The following SPRED1 variants were observed in gnomAD, a reference collection of about 807,000 sequenced individuals.
SPRED1 encodes the protein sprouty-related, EVH1 domain-containing protein 1.
A neutral mutation model predicts 52.3 loss-of-function variants in SPRED1; 18 were observed. The ratio of observed to expected loss-of-function variants is 0.34; its 90% CI spans 0.24 to 0.51. The LOEUF (loss-of-function observed/expected upper bound fraction) is 0.51, where lower values mean the gene tolerates loss of function less well. Among genes scored for constraint, SPRED1 ranks in the 20% least tolerant of loss-of-function variants. SPRED1 has a pLI of 0.97. For missense variants in SPRED1, 485 were observed against 551.0 expected, an observed-to-expected ratio of 0.88 and a Z score of 1.20; for synonymous variants, 155 against 179.7, an observed-to-expected ratio of 0.86 and a Z score of 1.10.
chr15:38,308,913 A>G (rs1486873785), intron 2 of SPRED1, among the ~76,000 whole-genome samples: 5 of 152,086 alleles, frequency 3.3e-5, no homozygotes, highest in Non-Finnish European at 7.4e-5. Context: ...TTTTTTCTAG[A>G]GTGGGTTTAT....
In SPRED1 at chr15:38,355,238, G is replaced by A. The variant is rs954011914; in HGVS notation, c.*3574G>A. The A allele has an allele frequency of 6.6e-6, 1 of 152,348 alleles. No individual in the cohort carries two copies. The highest frequency in any genetic ancestry group is 1.5e-5 in the Non-Finnish European group (1 of 68,176). 9.4% of individuals were successfully genotyped at this position (152,348 alleles called of 1,614,324 possible). On this transcript the variant is annotated 3_prime_UTR_variant, in exon 7 of 7. Transcript: ENST00000299084. ...CCCAAAGTGCTGGGATTACAGGCAT[G>A]AGCTACTGCGCCCAGCCGTGTGTAT...
rs1038488572 is a variant in SPRED1, at chr15:38,352,442, A to T, written c.*778A>T. On this transcript the variant is annotated 3_prime_UTR_variant, in exon 7 of 7. Coordinates refer to ENST00000299084, the MANE Select transcript of SPRED1 (RefSeq NM_152594.3). Reference sequence around the variant, plus strand: ...ATACTCTAATAGCCTTGAGTGACCAACTTTTTTTTTAAAGCACAGATGTAA... The same window carrying T: ...ATACTCTAATAGCCTTGAGTGACCATCTTTTTTTTTAAAGCACAGATGTAA... 1 of 152,368 alleles carries T rather than the reference A, an allele frequency of 6.6e-6. No individual in the cohort carries two copies. The allele number at this position is 152,368 out of a possible 1,614,324, so 9.4% of individuals were successfully genotyped here. A position where few individuals can be genotyped will look rare whatever the true frequency, so the allele number is the denominator to read the frequency against.
intron 1 of SPRED1, among the ~76,000 whole-genome samples, chr15:38,266,451 G>A (rs1204413377): frequency 6.6e-6 from 1 of 151,986 alleles, no homozygotes; most frequent in Non-Finnish European, 1.5e-5. Context: ...ACCAGCCTGG[G>A]CAACATGGCA....
chr15:38,317,301 C>G (rs1280210146), intron 2 of SPRED1, among the ~76,000 whole-genome samples: 1 of 151,790 alleles, frequency 6.6e-6, no homozygotes, highest in Admixed American at 6.6e-5. Flanking sequence ...TATTTATTTC[C>G]TTTTGCACCA....
intron 1 of SPRED1, among the ~76,000 whole-genome samples, chr15:38,280,106 G>A (rs1259267827): frequency 6.6e-6 from 1 of 152,032 alleles, no homozygotes; most frequent in Non-Finnish European, 1.5e-5. Flanking sequence ...TTTTGCCCCT[G>A]GTAACCCCAG....
At chr15:38,284,430 A>G (rs1172461987) in intron 1 of SPRED1, among the ~76,000 whole-genome samples, 3 of 152,152 alleles carry the variant, frequency 2.0e-5, no homozygotes, top group Non-Finnish European at 4.4e-5. Flanking sequence ...ATGTAATTTT[A>G]TATTATGATA....
At chr15:38,265,995 G>C (rs1225257759) in intron 1 of SPRED1, among the ~76,000 whole-genome samples, 1 of 152,180 alleles carries the variant, frequency 6.6e-6, no homozygotes, top group Non-Finnish European at 1.5e-5. Context: ...TCTGTTAACT[G>C]TAATTTGGAC....
chr15:38,282,881 G>A (rs1021024216), intron 1 of SPRED1, among the ~76,000 whole-genome samples: 1 of 151,264 alleles, frequency 6.6e-6, no homozygotes, highest in Non-Finnish European at 1.5e-5. Flanking sequence ...TTTAAACCAC[G>A]GTTTTCTTGC....
intron 1 of SPRED1, among the ~76,000 whole-genome samples, chr15:38,292,294 C>T (rs562087218): frequency 5.1e-4 from 78 of 152,226 alleles, no homozygotes; most frequent in African/African-American, 1.3e-3. Context: ...AAGCCATTCT[C>T]CCACATTTTC....
chr15:38,341,057 GACTATTC>G (rs552574423), intron 5 of SPRED1, among the ~76,000 whole-genome samples: 109 of 144,982 alleles, frequency 7.5e-4, no homozygotes, highest in Admixed American at 3.6e-3. Context: ...ACAGACACAG[GACTATTC>G]ACCTTTCCTA....
intron 2 of SPRED1, among the ~76,000 whole-genome samples, chr15:38,301,295 T>C (rs1044373038): frequency 3.9e-5 from 6 of 152,170 alleles, no homozygotes; most frequent in African/African-American, 1.4e-4. Flanking sequence ...TTATTCCCTA[T>C]GACAGCTTAA....
At chr15:38,336,521 A>T (rs77375819) in intron 4 of SPRED1, among the ~76,000 whole-genome samples, 7,355 of 149,450 alleles carry the variant, frequency 0.049, 317 homozygotes, top group African/African-American at 0.11. Flanking sequence ...TCTGGAACAA[A>T]TACATTTCCT....
At chr15:38,293,419 G>C (rs114985739) in intron 1 of SPRED1, among the ~76,000 whole-genome samples, 79 of 152,128 alleles carry the variant, frequency 5.2e-4, no homozygotes, top group African/African-American at 1.8e-3. Context: ...ACTTTTAAGA[G>C]GTGACACTGC....
At chr15:38,338,038 T>TAAAC (rs1895954845) in intron 4 of SPRED1, among the ~76,000 whole-genome samples, 1 of 88,912 alleles carries the variant, frequency 1.1e-5, no homozygotes, top group Non-Finnish European at 2.2e-5. Context: ...CCATTGCTAC[T>TAAAC]AAAAAAAAAA....
intron 2 of SPRED1, among the ~76,000 whole-genome samples, chr15:38,313,006 T>C (rs573622101): frequency 9.2e-5 from 14 of 152,070 alleles, no homozygotes; most frequent in Admixed American, 6.6e-4. Context: ...TATCATTTTC[T>C]CCCTCTCCCA....
intron 5 of SPRED1, among the ~76,000 whole-genome samples, chr15:38,340,572 G>A (rs1031067557): frequency 6.6e-5 from 10 of 151,072 alleles, no homozygotes; most frequent in Admixed American, 1.3e-4. Context: ...TCGCTCTGTC[G>A]CCCAGGCTGG....
At chr15:38,327,417 G>A (rs999935223) in intron 4 of SPRED1, among the ~76,000 whole-genome samples, 31 of 151,986 alleles carry the variant, frequency 2.0e-4, no homozygotes, top group African/African-American at 6.8e-4. Context: ...TCTACCACAC[G>A]GAATGTGTTG....
intron 5 of SPRED1, among the ~76,000 whole-genome samples, chr15:38,341,578 A>G (rs749202502): frequency 2.0e-5 from 3 of 151,966 alleles, no homozygotes; most frequent in Non-Finnish European, 4.4e-5. Flanking sequence ...ACCGTATGCT[A>G]CTCTGCTTCC....
At chr15:38,323,150 G>C (rs1333152606) in intron 3 of SPRED1, among the ~76,000 whole-genome samples, 2 of 151,946 alleles carry the variant, frequency 1.3e-5, no homozygotes, top group East Asian at 3.9e-4. Flanking sequence ...GTTGTGATTT[G>C]TGTTATTTTG....
Sources: allele counts gnomAD v4.1 joint callset (sites outside exome capture counted in the v4.1 genomes callset), GRCh38; gene constraint gnomAD v4.1.1; transcripts MANE v1.5; gene names NCBI Gene and HGNC (gene_info 2026-07-23, HGNC 2026-07-21).